Variants in IL37 observed in about 807,000 individuals in gnomAD.
The protein encoded by IL37 is interleukin-37.
IL37 carries 15 observed loss-of-function variants against 15.4 expected under a neutral mutation model. The ratio of observed to expected loss-of-function variants is 0.98; its 90% CI spans 0.65 to 1.50. The LOEUF (loss-of-function observed/expected upper bound fraction) is 1.50. Among genes scored for constraint, IL37 ranks in the 40% most tolerant of loss-of-function variants. The probability of loss-of-function intolerance (pLI) is 0.00; values close to 1 mark genes in which losing one functional copy is unlikely to be tolerated. For synonymous variants in IL37, 98 were observed against 97.4 expected (o/e 1.01, Z -0.03); for missense variants, 269 against 261.7 (o/e 1.03, Z -0.19).
At chr2:112,915,212 G>A in intron 3 of IL37, 5 of 1,613,992 alleles carry the variant, frequency 3.1e-6, no homozygotes, top group Non-Finnish European at 4.2e-6. Context: ...TGTGATAGGA[G>A]GGAAACAGAA....
intron 2 of IL37, 41 bp downstream of exon 2, chr2:112,913,135 A>G (rs1683215219): frequency 1.4e-6 from 2 of 1,388,154 alleles, no homozygotes; most frequent in Non-Finnish European, 1.9e-6. Context: ...CCAAAGTGTA[A>G]TTCCTAGAGC....
rs562147811 is a variant in IL37, at chr2:112,917,173, G to A, written c.190G>A (p.Asp64Asn). ...AAACCCGAAGAAATTCAGCATTCAT[G>A]ACCAGGATCACAAAGTACTGGTCCT... ...NLNPKKFSIH[D>N]QDHKVLVLDS... The change falls in exon 4 of 6, where the codon GAC (aspartate) becomes AAC (asparagine). Residue 64 changes from aspartate to asparagine, a missense_variant. Coordinates refer to ENST00000263326, the MANE Select transcript of IL37 (RefSeq NM_014439.4). The A allele has an allele frequency of 1.9e-6, 3 of 1,614,060 alleles. No homozygotes were observed. The South Asian group carries it at 3.3e-5, about 18-fold the overall frequency.
chr2:112,918,803 C>T lies in IL37; in HGVS notation c.651C>T (p.Ser217=), dbSNP rs1180266532. Residue 217 remains serine, a synonymous_variant, in exon 6 of 6, where the codon AGC becomes AGT. Coordinates refer to ENST00000263326, the MANE Select transcript of IL37 (RefSeq NM_014439.4). ...CTGAAATGAGCCCCAGTGAGGTCAGCGATTAGGAAACTGCCCCATTGAACG... is the reference window on the plus strand; with the variant it reads ...CTGAAATGAGCCCCAGTGAGGTCAGTGATTAGGAAACTGCCCCATTGAACG... The part of the protein sequence containing the change: ...CKAEMSPSEV[S]D 3 of 1,610,542 alleles carry T rather than the reference C, an allele frequency of 1.9e-6. No individual in the cohort carries two copies. Among genetic ancestry groups the T allele is most frequent in the Non-Finnish European group, 2.5e-6 (3 of 1,177,062 alleles).
intron 3 of IL37, chr2:112,915,197 C>A: frequency 6.2e-7 from 1 of 1,613,818 alleles, no homozygotes; most frequent in South Asian, 1.1e-5. Context: ...GATCCTATGT[C>A]AGGCTGTGAT....
rs755729962 is a variant in IL37, at chr2:112,918,734, GA to G, written c.584del (p.Asn195ThrfsTer17). 5 of 1,614,118 alleles carry G rather than the reference GA, an allele frequency of 3.1e-6. No individual in the cohort carries two copies. The highest frequency in any genetic ancestry group is 4.2e-6 in the Non-Finnish European group (5 of 1,180,016). On this transcript the variant is annotated frameshift_variant, in exon 6 of 6. Coordinates refer to ENST00000263326, the MANE Select transcript of IL37 (RefSeq NM_014439.4). LOFTEE classifies it low-confidence loss of function (END_TRUNC). Reference protein sequence around the residue: ...EPVGVTDKFENRKHIEFSFQP... With the variant: ...EPVGVTDKFEXRKHIEFSFQP... ...CTGTTGGGGTGACAGATAAATTTGA[GA>G]ACAGGAAACACATTGAATTTTCATT...
chr2:112,918,551 T>C lies in IL37; in HGVS notation c.409-10T>C. On this transcript the variant is annotated splice_polypyrimidine_tract_variant and intron_variant, in intron 5 of 5. Transcript: ENST00000263326. ...CCTGTGCTATCTAATTAATCCCTTT[T>C]ACCTCACAGAAGGAGAAACTGATGA... 6.2e-7 allele frequency: 1 copy of C among 1,607,530 alleles called. No homozygotes were observed. Among genetic ancestry groups the C allele is most frequent in the Non-Finnish European group, 8.5e-7 (1 of 1,176,984 alleles).
At chr2:112,912,605 A>G (rs1197686046) in intron 1 of IL37, among the ~76,000 whole-genome samples, 3 of 152,244 alleles carry the variant, frequency 2.0e-5, no homozygotes, top group African/African-American at 7.2e-5. Flanking sequence ...CTGTGTTTCA[A>G]TAAAACTTTA....
rs1683344427 is a variant in IL37, at chr2:112,917,544, G to A, written c.266-91G>A. ...AAGTGGACCACAGAGTCAAGGGAGA[G>A]GGACTGTGCATCAGGCCTGAAACCC... On this transcript the variant is annotated intron_variant, in intron 4 of 5. Coordinates refer to ENST00000263326, the MANE Select transcript of IL37 (RefSeq NM_014439.4). The A allele has an allele frequency of 8.6e-6, 11 of 1,280,894 alleles. No individual in the cohort carries two copies. The Middle Eastern group carries it at 1.1e-3, about 130-fold the overall frequency. 79.3% of individuals were successfully genotyped at this position (1,280,894 alleles called of 1,614,324 possible). A position where few individuals can be genotyped will look rare whatever the true frequency, so the allele number is the denominator to read the frequency against.
At position 112,913,006 on chromosome 2, in the gene IL37, G is replaced by A. The variant is rs772712319; in HGVS notation, c.-7G>A. 7 of 1,573,432 alleles carry A rather than the reference G, an allele frequency of 4.4e-6. No individual in the cohort carries two copies. The highest frequency in any genetic ancestry group is 2.4e-5 in the South Asian group (2 of 83,770). ...TTTTCTGTTGAGTAATAAACTCAAC[G>A]TTGAAAATGTCCTTTGTGGGGGAGA... is the stretch of plus-strand genomic sequence containing the variant. On this transcript the variant is annotated 5_prime_UTR_variant, in exon 2 of 6. Transcript: ENST00000263326.
chr2:112,916,587 C>A (rs1166142401), intron 3 of IL37, among the ~76,000 whole-genome samples: 1 of 152,170 alleles, frequency 6.6e-6, no homozygotes, highest in African/African-American at 2.4e-5. Context: ...CCAACCCTCC[C>A]AACTCTTCCA....
intron 2 of IL37, among the ~76,000 whole-genome samples, chr2:112,913,522 G>A (rs1357089056): frequency 6.6e-6 from 1 of 152,164 alleles, no homozygotes; most frequent in Admixed American, 6.5e-5. Context: ...TTGCCCATGG[G>A]GGACAATAGG....
intron 1 of IL37, 53 bp from the exon 2 acceptor site, chr2:112,912,910 A>G (rs957115685): frequency 1.3e-6 from 1 of 777,624 alleles, no homozygotes; most frequent in Non-Finnish European, 2.1e-6. Context: ...ACATGCAGCA[A>G]GGTGTCCTGG....
At chr2:112,913,726 T>C (rs3811045) in intron 2 of IL37, 66 bp from the exon 3 acceptor site, 888,546 of 1,310,670 alleles carry the variant, frequency 0.68, 309,317 homozygotes, top group East Asian at 0.81. Context: ...TTAAATGGTC[T>C]TTGATACCCC....
At chr2:112,917,039 G>T in intron 3 of IL37, 90 bp from the exon 4 acceptor site, 1 of 1,455,880 alleles carries the variant, frequency 6.9e-7, no homozygotes, top group Non-Finnish European at 9.4e-7. Context: ...AGGGTGGAGA[G>T]CTAGGGCTGG....
intron 3 of IL37, among the ~76,000 whole-genome samples, chr2:112,915,838 C>T (rs878963589): frequency 3.3e-5 from 5 of 152,144 alleles, no homozygotes; most frequent in Admixed American, 1.3e-4. Flanking sequence ...TGGAGGATCA[C>T]GGGTGAGTCA....
chr2:112,916,688 A>G (rs993599519), intron 3 of IL37, among the ~76,000 whole-genome samples: 1 of 152,234 alleles, frequency 6.6e-6, no homozygotes, highest in Non-Finnish European at 1.5e-5. Context: ...GGTGCAAAAA[A>G]GAGAGTTAAG....
chr2:112,916,280 G>A (rs1276384698), intron 3 of IL37, among the ~76,000 whole-genome samples: 1 of 152,154 alleles, frequency 6.6e-6, no homozygotes, highest in Non-Finnish European at 1.5e-5. Context: ...GGCCCAGCCT[G>A]GGGGCCCCTG....
At chr2:112,912,753 G>A (rs942801108) in intron 1 of IL37, among the ~76,000 whole-genome samples, 1 of 152,206 alleles carries the variant, frequency 6.6e-6, no homozygotes, top group Admixed American at 6.5e-5. Context: ...TGCACCCCGT[G>A]TGTTAGCACT....
At chr2:112,918,235 A>G (rs1357184086) in intron 5 of IL37, among the ~76,000 whole-genome samples, 2 of 152,192 alleles carry the variant, frequency 1.3e-5, no homozygotes, top group Admixed American at 1.3e-4. Context: ...AGGAAGCTGA[A>G]TTAGATACAG....
Sources: allele counts gnomAD v4.1 joint callset (sites outside exome capture counted in the v4.1 genomes callset), GRCh38; gene constraint gnomAD v4.1.1; transcripts MANE v1.5; gene names NCBI Gene and HGNC (gene_info 2026-07-23, HGNC 2026-07-21).